The following CTC1 variants were observed in gnomAD, a reference collection of about 807,000 sequenced individuals.
The protein encoded by CTC1 is CST complex subunit CTC1.
CTC1 carries 91 observed loss-of-function variants against 136.3 expected under a neutral mutation model. The ratio of observed to expected loss-of-function variants is 0.67; its 90% CI spans 0.56 to 0.79. The LOEUF (loss-of-function observed/expected upper bound fraction) is 0.79. Ranked by LOEUF, CTC1 falls within the 30% of genes least tolerant of loss-of-function variation. The pLI is 0.00. For missense variants in CTC1, 1,432 were observed against 1,498.1 expected, an observed-to-expected ratio of 0.96 and a Z score of 0.73; for synonymous variants, 606 against 613.8, an observed-to-expected ratio of 0.99 and a Z score of 0.19.
At chr17:8,235,467 C>T (rs941421178) in intron 7 of CTC1, 182 bp from the exon 8 acceptor site, 3 of 609,834 alleles carry the variant, frequency 4.9e-6, no homozygotes, top group Non-Finnish European at 8.7e-6. Flanking sequence ...CTTCATCTCC[C>T]ATGAGCTCCA....
rs1987929841 is a variant in CTC1 at position 8,238,416 on chromosome 17, A to C, written c.411T>G (p.Asp137Glu). The change falls in exon 3 of 23, where the codon GAT (aspartate) becomes GAG (glutamate). Residue 137 changes from aspartate to glutamate, a missense_variant. Coordinates refer to ENST00000651323, the MANE Select transcript of CTC1 (RefSeq NM_025099.6). ...ECRNGSLYVR[D>E]NTGVLSCELI... ...CCTCACAGCTCAGGACGCCAGTGTT[A>C]TCTCTCACATAGAGGCTTCCGTTCC... 1 of 1,614,124 alleles carries C rather than the reference A, an allele frequency of 6.2e-7. No individual in the cohort carries two copies. The highest frequency in any genetic ancestry group is 8.5e-7 in the Non-Finnish European group (1 of 1,180,006).
chr17:8,224,924 C>G lies in CTC1; in HGVS notation c.*3256G>C, dbSNP rs1370541604. 2.0e-5 allele frequency: 3 copies of G among 152,176 alleles called. No individual in the cohort carries two copies. The highest frequency in any genetic ancestry group is 6.6e-5 in the Admixed American group (1 of 15,266). The allele number at this position is 152,176 out of a possible 1,614,324, so 9.4% of individuals were successfully genotyped here. On this transcript the variant is annotated 3_prime_UTR_variant, in exon 23 of 23. Coordinates refer to ENST00000651323, the MANE Select transcript of CTC1 (RefSeq NM_025099.6). ...ATCTCGGCTGACAACACCTCCTCCC[C>G]CCTCCAAGGTTGAAGCGATTCTCTT...
rs759054383 is a variant in CTC1 at position 8,247,973 on chromosome 17, A to G, written c.33+31T>C. On this transcript the variant is annotated intron_variant, in intron 1 of 22. Transcript: ENST00000651323. ...AGAGTATCTGTGACAAACAAGAAAA[A>G]AGGAACAAGAGACGTAATAGCAGCA... 5.6e-6 allele frequency: 9 copies of G among 1,605,716 alleles called. No individual in the cohort carries two copies. In the Admixed American group the frequency reaches 8.4e-5, roughly 15 times the overall value.
At chr17:8,242,917 C>A in intron 2 of CTC1, 68 bp downstream of exon 2, 1 of 1,437,484 alleles carries the variant, frequency 7.0e-7, no homozygotes, top group Non-Finnish European at 9.4e-7. Context: ...AATTATAGAA[C>A]CTTACTTTTC....
chr17:8,243,027 G>A lies in CTC1; in HGVS notation c.155C>T (p.Ser52Phe). Reference sequence around the variant, plus strand: ...TGTAGAACCTTGGTTCCTTCCCTGGGACAACCAGACAGTCTTCACACAATC... The same window carrying A: ...TGTAGAACCTTGGTTCCTTCCCTGGAACAACCAGACAGTCTTCACACAATC... ...VIDCVKTVWL[S>F]QGRNQGSTLP... The change falls in exon 2 of 23, where the codon TCC (serine) becomes TTC (phenylalanine). Residue 52 changes from serine to phenylalanine, a missense_variant. By Grantham distance (155) the Ser-to-Phe change is radical. Coordinates refer to ENST00000651323, the MANE Select transcript of CTC1 (RefSeq NM_025099.6). 6.2e-7 allele frequency: 1 copy of A among 1,613,492 alleles called. No homozygotes were observed. The highest frequency in any genetic ancestry group is 8.5e-7 in the Non-Finnish European group (1 of 1,179,798).
intron 2 of CTC1, among the ~76,000 whole-genome samples, chr17:8,240,457 CA>C (rs1354652230): frequency 6.8e-6 from 1 of 146,540 alleles, no homozygotes; most frequent in Admixed American, 6.7e-5. Flanking sequence ...TGCGCCCAGC[CA>C]AAAAAAGTAA....
Position 8,234,535 on chromosome 17 carries a change from A to G in CTC1, c.1738T>C (p.Tyr580His). 1 of 1,566,624 alleles carries G rather than the reference A, an allele frequency of 6.4e-7. No individual in the cohort carries two copies. The highest frequency in any genetic ancestry group is 8.7e-7 in the Non-Finnish European group (1 of 1,154,948). ...KALLPLPEAS[Y>H]LPSCQLNRRL... ...CGATTGAGTTGGCAGCTGGGCAGGT[A>G]GGAGGCCTCCGGGAGGGGCAGAAGG... Residue 580 changes from tyrosine (Y) to histidine (H), a missense_variant, in exon 10 of 23, where the codon TAC (tyrosine) becomes CAC (histidine). By Grantham distance (83) the Tyr-to-His change is moderately conservative. Transcript: ENST00000651323.
At position 8,232,992 on chromosome 17, in the gene CTC1, C is replaced by T. The variant is rs766985115; in HGVS notation, c.1859G>A (p.Cys620Tyr). ...ACCACTTTGGTCCCGAAGTTGCAGA[C>T]AACCTTTATGAGATGAAGCCACCAG... is the stretch of plus-strand genomic sequence containing the variant. ...GVLVASSHKG[C>Y]LQLRDQSGSL... Residue 620 changes from cysteine (C) to tyrosine (Y), a missense_variant, in exon 11 of 23, where the codon TGT (cysteine) becomes TAT (tyrosine). Physicochemically the swap from Cys to Tyr is radical, Grantham distance 194. Coordinates refer to ENST00000651323, the MANE Select transcript of CTC1 (RefSeq NM_025099.6). 6.2e-6 allele frequency: 10 copies of T among 1,614,070 alleles called. No individual in the cohort carries two copies. Among genetic ancestry groups the T allele is most frequent in the Non-Finnish European group, 8.5e-6 (10 of 1,180,038 alleles).
chr17:8,236,355 G>A lies in CTC1; in HGVS notation c.793-13C>T. ...GCTGGGCAGGGACCTGGCTTGTGCAGAGACAGGCAATGTGACACAAGAGAC... is the reference window on the plus strand; with the variant it reads ...GCTGGGCAGGGACCTGGCTTGTGCAAAGACAGGCAATGTGACACAAGAGAC... On this transcript the variant is annotated splice_polypyrimidine_tract_variant and intron_variant, in intron 5 of 22. Transcript: ENST00000651323. The A allele has an allele frequency of 1.9e-6, 3 of 1,597,516 alleles. No individual in the cohort carries two copies. The highest frequency in any genetic ancestry group is 1.1e-5 in the South Asian group (1 of 90,930).
chr17:8,236,918 C>A (rs1987777154), intron 5 of CTC1, among the ~76,000 whole-genome samples: 1 of 152,082 alleles, frequency 6.6e-6, no homozygotes. Context: ...CCCCAAACCT[C>A]AGAATCACAA....
chr17:8,232,769 G>A, intron 11 of CTC1, 137 bp downstream of exon 11: 1 of 1,163,174 alleles, frequency 8.6e-7, no homozygotes, highest in South Asian at 1.5e-5. Flanking sequence ...TGCCATACAA[G>A]TCTCCCAGAA....
rs144793229 is a variant in CTC1 at position 8,234,151 on chromosome 17, C to T, written c.1818+304G>A. Among the ~76,000 whole-genome samples, 6 of 152,224 alleles carry T rather than the reference C, an allele frequency of 3.9e-5. No homozygotes were observed. In the East Asian group the frequency reaches 1.2e-3, roughly 29 times the overall value. On this transcript the variant is annotated intron_variant, in intron 10 of 22. Coordinates refer to ENST00000651323, the MANE Select transcript of CTC1 (RefSeq NM_025099.6). ...CACATGCCACCGCACCTAATTAAGA[C>T]AACTTTTTTGTAGCAACAAGGTCTC...
chr17:8,234,979 A>T (rs1301059462), intron 8 of CTC1, 53 bp from the exon 9 acceptor site: 2 of 1,596,916 alleles, frequency 1.3e-6, no homozygotes, highest in African/African-American at 2.7e-5. Flanking sequence ...TGCCTCTTCA[A>T]GAATCCTGCT....
intron 1 of CTC1, among the ~76,000 whole-genome samples, chr17:8,246,259 T>C (rs1025374006): frequency 6.4e-5 from 9 of 139,962 alleles, no homozygotes; most frequent in African/African-American, 2.4e-4. Context: ...TCCAGATTAA[T>C]ACAGGCTGAA....
chr17:8,231,572 AG>A (rs1987230019), intron 14 of CTC1, 103 bp from the exon 15 acceptor site: 1 of 1,278,816 alleles, frequency 7.8e-7, no homozygotes, highest in East Asian at 2.4e-5. Context: ...AGCATGGAGA[AG>A]GAAGTGTGTC....
intron 22 of CTC1, 38 bp from the exon 23 acceptor site, chr17:8,228,357 ATG>A: frequency 6.2e-7 from 1 of 1,610,266 alleles, no homozygotes; most frequent in African/African-American, 1.3e-5. Context: ...CGTCTCAGGC[ATG>A]TGGCTTTTAG....
intron 15 of CTC1, chr17:8,230,958 G>A (rs1483737852): frequency 8.4e-6 from 4 of 476,532 alleles, no homozygotes; most frequent in African/African-American, 3.9e-5. Flanking sequence ...CCAACATGAC[G>A]AAACCCTGTC....
chr17:8,234,546 G>T lies in CTC1; in HGVS notation c.1727C>A (p.Pro576Gln). Residue 576 changes from proline to glutamine, a missense_variant, in exon 10 of 23, where the codon CCG becomes CAG. Transcript: ENST00000651323. ...GCAGCTGGGCAGGTAGGAGGCCTCCGGGAGGGGCAGAAGGGCCTTAGGGTC... is the reference window on the plus strand; with the variant it reads ...GCAGCTGGGCAGGTAGGAGGCCTCCTGGAGGGGCAGAAGGGCCTTAGGGTC... ...SFDPKALLPL[P>Q]EASYLPSCQL... 1 of 1,577,462 alleles carries T rather than the reference G, an allele frequency of 6.3e-7. No homozygotes were observed. The highest frequency in any genetic ancestry group is 2.3e-5 in the East Asian group (1 of 43,110).
intron 22 of CTC1, 88 bp downstream of exon 22, chr17:8,228,415 G>A (rs1250300926): frequency 2.1e-5 from 33 of 1,609,318 alleles, no homozygotes; most frequent in Non-Finnish European, 2.8e-5. Context: ...TTCCCCATCA[G>A]TCCCTCATCC....
Sources: gnomAD v4.1 joint callset for allele counts (sites outside exome capture counted in the v4.1 genomes callset) on GRCh38, gnomAD v4.1.1 for gene constraint, MANE v1.5 for transcripts, NCBI Gene and HGNC (gene_info 2026-07-23, HGNC 2026-07-21) for gene names.